RSF1: variants seen among roughly 807,000 people sequenced by gnomAD.
RSF1 encodes the protein HBV pX-associated protein 8.
A neutral mutation model predicts 145.2 loss-of-function variants in RSF1; 13 were observed. That is an observed-to-expected ratio of 0.09 (90% CI 0.06 to 0.14). RSF1 has a LOEUF of 0.14. RSF1 is among the 10% of genes least tolerant of loss of function. RSF1 has a pLI of 1.00. For missense variants in RSF1, 1,517 were observed against 1,718.2 expected, an observed-to-expected ratio of 0.88 and a Z score of 2.07; for synonymous variants, 577 against 592.6, an observed-to-expected ratio of 0.97 and a Z score of 0.38.
At chr11:77,750,502 T>C (rs535163644) in intron 2 of RSF1, among the ~76,000 whole-genome samples, 1 of 152,364 alleles carries the variant, frequency 6.6e-6, no homozygotes, top group East Asian at 1.9e-4. Flanking sequence ...ATCATCTAAA[T>C]ATGTAAAAAC....
chr11:77,681,622 C>T (rs1959864509), intron 11 of RSF1, among the ~76,000 whole-genome samples: 1 of 152,184 alleles, frequency 6.6e-6, no homozygotes, highest in African/African-American at 2.4e-5. Flanking sequence ...TAGGTGAATG[C>T]AGAAAACTGC....
At chr11:77,672,543 T>C (rs1217821967) in intron 14 of RSF1, among the ~76,000 whole-genome samples, 1 of 151,556 alleles carries the variant, frequency 6.6e-6, no homozygotes, top group Non-Finnish European at 1.5e-5. Flanking sequence ...TACCAAAGTG[T>C]TGAGATTACC....
intron 1 of RSF1, among the ~76,000 whole-genome samples, chr11:77,789,778 C>T (rs763177667): frequency 5.4e-4 from 83 of 152,346 alleles, no homozygotes; most frequent in Non-Finnish European, 7.5e-4. Context: ...ATAAGCCCTT[C>T]TGGCCCAGCT....
chr11:77,779,572 G>C (rs988031215), intron 1 of RSF1, among the ~76,000 whole-genome samples: 1 of 150,944 alleles, frequency 6.6e-6, no homozygotes, highest in Non-Finnish European at 1.5e-5. Flanking sequence ...AGTAGAGATG[G>C]GGTTTCTCCA....
At chr11:77,725,239 T>G (rs1961025331) in intron 5 of RSF1, among the ~76,000 whole-genome samples, 1 of 152,230 alleles carries the variant, frequency 6.6e-6, no homozygotes, top group Non-Finnish European at 1.5e-5. Context: ...TGGTAAATTT[T>G]ATGTTATATT....
chr11:77,728,145 T>C (rs550671573), intron 4 of RSF1, among the ~76,000 whole-genome samples: 90 of 152,338 alleles, frequency 5.9e-4, no homozygotes, highest in African/African-American at 2.0e-3. Context: ...AAATCAGATA[T>C]ATCCCTCCAA....
At chr11:77,863,988 G>A in the RSF1 span, among the ~76,000 whole-genome samples, 24 of 151,032 alleles carry the variant, frequency 1.6e-4, no homozygotes, top group African/African-American at 4.9e-4. Context: ...GTTCAGTGGC[G>A]CGATCCTGGC....
chr11:77,854,085 G>A, the RSF1 span, among the ~76,000 whole-genome samples: 1 of 149,344 alleles, frequency 6.7e-6, no homozygotes, highest in East Asian at 2.0e-4. Flanking sequence ...CCACCTCCCA[G>A]GTTCACACCA....
chr11:77,729,895 C>CGAAAAAAAAAAA (rs1961156791), intron 4 of RSF1, among the ~76,000 whole-genome samples: 1 of 48,906 alleles, frequency 2.0e-5, no homozygotes, highest in Non-Finnish European at 4.5e-5. Context: ...ATTCAGTAGG[C>CGAAAAAAAAAAA]AAAAAAAAAA....
chr11:77,680,359 G>A (rs1959825056), intron 11 of RSF1, among the ~76,000 whole-genome samples: 1 of 152,162 alleles, frequency 6.6e-6, no homozygotes, highest in African/African-American at 2.4e-5. Context: ...AGGACTGCTT[G>A]TGGATAGGAG....
In RSF1 at chr11:77,675,016, T is replaced by C. The variant is rs760045833; in HGVS notation, c.3562+20A>G. ...AAAAATAATTTATTGAGCTACCATA[T>C]GGTTACAGATTATTTTTACCAGAGT... On this transcript the variant is annotated intron_variant, in intron 14 of 15. Transcript: ENST00000308488. The C allele has an allele frequency of 1.7e-5, 26 of 1,552,568 alleles. No individual in the cohort carries two copies. The highest frequency in any genetic ancestry group is 7.2e-5 in the South Asian group (6 of 83,914).
chr11:77,778,446 TA>T (rs1462147739), intron 1 of RSF1, among the ~76,000 whole-genome samples: 1 of 152,106 alleles, frequency 6.6e-6, no homozygotes, highest in Admixed American at 6.5e-5. Context: ...CAAACAATAA[TA>T]ATATAAGGTT....
At chr11:77,806,661 A>G (rs1156487425) in intron 1 of RSF1, among the ~76,000 whole-genome samples, 1 of 152,112 alleles carries the variant, frequency 6.6e-6, no homozygotes, top group African/African-American at 2.4e-5. Context: ...AGTCTGGGCA[A>G]TAGAGCAAGA....
At chr11:77,723,209 A>G (rs1960978825) in intron 5 of RSF1, among the ~76,000 whole-genome samples, 1 of 152,224 alleles carries the variant, frequency 6.6e-6, no homozygotes, top group South Asian at 2.1e-4. Context: ...CTATAATCCC[A>G]GCACTTTGGG....
chr11:77,679,983 A>AT (rs1256302680), intron 11 of RSF1, among the ~76,000 whole-genome samples: 4 of 152,252 alleles, frequency 2.6e-5, no homozygotes, highest in Non-Finnish European at 5.9e-5. Flanking sequence ...ATTCATTAAA[A>AT]TTTAAAATTC....
the RSF1 span, among the ~76,000 whole-genome samples, chr11:77,827,209 CA>C: frequency 6.6e-6 from 1 of 152,086 alleles, no homozygotes; most frequent in Non-Finnish European, 1.5e-5. Flanking sequence ...TCAGTTCTAC[CA>C]AAAGTTGAAA....
chr11:77,768,043 C>T (rs886425876), intron 1 of RSF1, among the ~76,000 whole-genome samples: 1 of 151,286 alleles, frequency 6.6e-6, no homozygotes, highest in South Asian at 2.1e-4. Context: ...TAAGGTGAGT[C>T]ACATAATTTC....
chr11:77,851,200 G>A, the RSF1 span, among the ~76,000 whole-genome samples: 1 of 152,020 alleles, frequency 6.6e-6, no homozygotes, highest in Non-Finnish European at 1.5e-5. Context: ...TGATCCACCT[G>A]CCTCGGCCTC....
chr11:77,838,049 G>A, the RSF1 span, among the ~76,000 whole-genome samples: 54 of 152,290 alleles, frequency 3.5e-4, no homozygotes, highest in Non-Finnish European at 6.9e-4. Flanking sequence ...CTCCAGACTG[G>A]ATGAAAGAAT....
Sources: allele counts gnomAD v4.1 joint callset (sites outside exome capture counted in the v4.1 genomes callset), GRCh38; gene constraint gnomAD v4.1.1; transcripts MANE v1.5; gene names NCBI Gene and HGNC (gene_info 2026-07-23, HGNC 2026-07-21).